Variants in CRACR2A observed in about 807,000 individuals in gnomAD.
The protein encoded by CRACR2A is calcium release activated channel regulator 2A, also known as EF-hand calcium-binding domain-containing protein 4B.
Under a neutral mutation model 90.5 loss-of-function variants are expected in CRACR2A, and 79 were observed. The ratio of observed to expected loss-of-function variants is 0.87; its 90% CI spans 0.73 to 1.05. The LOEUF (loss-of-function observed/expected upper bound fraction) is 1.05, where lower values mean the gene tolerates loss of function less well. CRACR2A is among the 50% of genes least tolerant of loss of function. CRACR2A has a pLI of 0.00. For synonymous variants in CRACR2A, 338 were observed against 356.7 expected (o/e 0.95, Z 0.59); for missense variants, 823 against 897.2 (o/e 0.92, Z 1.06).
At chr12:3,677,702 G>T (rs1945360609) in intron 6 of CRACR2A, among the ~76,000 whole-genome samples, 1 of 152,258 alleles carries the variant, frequency 6.6e-6, no homozygotes, top group Non-Finnish European at 1.5e-5. Flanking sequence ...CCACCCACCT[G>T]TGCCCCTTCC....
chr12:3,672,845 C>T, intron 7 of CRACR2A: 7 of 977,706 alleles, frequency 7.2e-6, no homozygotes, highest in Non-Finnish European at 7.3e-6. Flanking sequence ...GTCTTGGAGG[C>T]AAATAGGGTA....
chr12:3,665,112 G>A (rs1027636609), intron 7 of CRACR2A, among the ~76,000 whole-genome samples: 3 of 152,172 alleles, frequency 2.0e-5, no homozygotes, highest in East Asian at 1.9e-4. Flanking sequence ...GTTATGTAAC[G>A]CAGAAGAGAC....
At chr12:3,641,646 G>A (rs1944573098) in intron 13 of CRACR2A, 86 bp downstream of exon 13, 1 of 1,198,448 alleles carries the variant, frequency 8.3e-7, no homozygotes, top group African/African-American at 1.5e-5. Context: ...CCTCTCAAGG[G>A]GTCAGCAGGC....
rs115718127 is a variant in CRACR2A at position 3,749,738 on chromosome 12, T to C, written c.-387+3277A>G. On this transcript the variant is annotated intron_variant, in intron 1 of 19. Coordinates refer to ENST00000440314, the MANE Select transcript of CRACR2A (RefSeq NM_001144958.2). ...TTTGAAAAGGCAAAGAAATGACCAA[T>C]AGATGGATGAGTGGAACAATGTGCT... Among the ~76,000 whole-genome samples the C allele has an allele frequency of 7.6e-3, 1,161 of 151,958 alleles. 20 individuals are homozygous for C. Among genetic ancestry groups the C allele is most frequent in the African/African-American group, 0.026 (1,092 of 41,396 alleles).
intron 3 of CRACR2A, among the ~76,000 whole-genome samples, chr12:3,701,423 T>C (rs1212492440): frequency 1.3e-5 from 2 of 152,096 alleles, no homozygotes; most frequent in Admixed American, 1.3e-4. Context: ...TAAAAGCTGG[T>C]TCTTTGAGAA....
At chr12:3,657,047 C>T (rs1944923265) in intron 8 of CRACR2A, among the ~76,000 whole-genome samples, 1 of 152,186 alleles carries the variant, frequency 6.6e-6, no homozygotes, top group Non-Finnish European at 1.5e-5. Flanking sequence ...GAGAAGGGGC[C>T]TGGCTATGGG....
In CRACR2A at chr12:3,619,340, C is replaced by T. The variant is rs1244379465; in HGVS notation, c.1965G>A (p.Leu655=). 21 of 1,551,716 alleles carry T rather than the reference C, an allele frequency of 1.4e-5. No individual in the cohort carries two copies. Among genetic ancestry groups the T allele is most frequent in the Middle Eastern group, 3.3e-4 (2 of 5,992 alleles). Residue 655 remains leucine (L), a synonymous_variant, in exon 18 of 20, where the codon CTG becomes CTA. Coordinates refer to ENST00000440314, the MANE Select transcript of CRACR2A (RefSeq NM_001144958.2). ...TCTCGTTGTCAAGCTTATTACCCAGCAGAAGAACAGGCACCCGGTCTCCCA... is the reference window on the plus strand; with the variant it reads ...TCTCGTTGTCAAGCTTATTACCCAGTAGAAGAACAGGCACCCGGTCTCCCA... ...EAVGDRVPVL[L]LGNKLDNEKE...
intron 1 of CRACR2A, among the ~76,000 whole-genome samples, chr12:3,749,033 A>G (rs1337729821): frequency 6.6e-6 from 1 of 152,202 alleles, no homozygotes; most frequent in African/African-American, 2.4e-5. Context: ...GCCTGAGTTC[A>G]AATCCTGCCT....
chr12:3,667,975 A>G (rs1216775039), intron 7 of CRACR2A, among the ~76,000 whole-genome samples: 1 of 152,246 alleles, frequency 6.6e-6, no homozygotes, highest in African/African-American at 2.4e-5. Flanking sequence ...GTTTCTTCCA[A>G]ATTAGATTCT....
At chr12:3,689,238 G>A (rs1945613939) in intron 4 of CRACR2A, among the ~76,000 whole-genome samples, 3 of 152,176 alleles carry the variant, frequency 2.0e-5, no homozygotes, top group South Asian at 4.1e-4. Context: ...TGTTGAATAG[G>A]AGTGGTGAGA....
intron 2 of CRACR2A, chr12:3,728,158 G>T (rs561478601): frequency 6.6e-6 from 1 of 152,238 alleles, no homozygotes; most frequent in South Asian, 2.1e-4. Flanking sequence ...AAAACCACTC[G>T]TTTCTAATTA....
chr12:3,735,227 T>C lies in CRACR2A; in HGVS notation c.-386-2017A>G, dbSNP rs535717720. 5.9e-5 allele frequency among the ~76,000 whole-genome samples: 9 copies of C among 152,168 alleles called. 2 individuals are homozygous for C. The highest frequency in any genetic ancestry group is 2.2e-4 in the African/African-American group (9 of 41,512). The stretch of plus-strand genomic sequence containing the variant: ...ACACCTCAATAAAGCTGGAAGAAAA[T>C]GAAGCCCTGCGGAGATAGAGCAAGT... On this transcript the variant is annotated intron_variant, in intron 1 of 19. Transcript: ENST00000440314.
At chr12:3,724,262 C>T (rs770498319) in intron 2 of CRACR2A, among the ~76,000 whole-genome samples, 9 of 152,326 alleles carry the variant, frequency 5.9e-5, no homozygotes, top group South Asian at 2.1e-4. Flanking sequence ...GAAATGCACG[C>T]ACAAGATCCA....
intron 1 of CRACR2A, among the ~76,000 whole-genome samples, chr12:3,733,568 C>T (rs1185638785): frequency 6.6e-6 from 1 of 152,146 alleles, no homozygotes; most frequent in African/African-American, 2.4e-5. Context: ...GATGTGTTGA[C>T]TGCAACTTCT....
chr12:3,643,976 C>T (rs1189261026), intron 12 of CRACR2A, among the ~76,000 whole-genome samples: 2 of 131,326 alleles, frequency 1.5e-5, no homozygotes, highest in Non-Finnish European at 3.1e-5. Flanking sequence ...GGAATTTCAT[C>T]CGTTAATACT....
At chr12:3,702,936 C>A (rs750390226) in intron 3 of CRACR2A, among the ~76,000 whole-genome samples, 29 of 152,130 alleles carry the variant, frequency 1.9e-4, no homozygotes, top group African/African-American at 7.2e-5. Flanking sequence ...TAAAGACACA[C>A]AAACAGATAA....
At chr12:3,740,891 C>T (rs988998975) in intron 1 of CRACR2A, among the ~76,000 whole-genome samples, 1 of 152,196 alleles carries the variant, frequency 6.6e-6, no homozygotes, top group African/African-American at 2.4e-5. Flanking sequence ...GCTTGTAGTG[C>T]AGAGCTTTGC....
intron 10 of CRACR2A, among the ~76,000 whole-genome samples, chr12:3,651,908 C>T (rs950825985): frequency 2.6e-5 from 4 of 152,190 alleles, no homozygotes; most frequent in Non-Finnish European, 5.9e-5. Flanking sequence ...GGTCTGCAAC[C>T]CCACTCTATG....
intron 14 of CRACR2A, among the ~76,000 whole-genome samples, chr12:3,636,185 G>C (rs990985274): frequency 5.3e-5 from 8 of 152,266 alleles, no homozygotes; most frequent in Non-Finnish European, 1.5e-5. Flanking sequence ...TGGTTCAAAG[G>C]ATATGGTATT....
Sources: allele counts gnomAD v4.1 joint callset (sites outside exome capture counted in the v4.1 genomes callset), GRCh38; gene constraint gnomAD v4.1.1; transcripts MANE v1.5; gene names NCBI Gene and HGNC (gene_info 2026-07-23, HGNC 2026-07-21).